PPP4R4: variants seen among roughly 807,000 people sequenced by gnomAD.
The protein encoded by PPP4R4 is serine/threonine-protein phosphatase 4 regulatory subunit 4.
In PPP4R4, 70 loss-of-function variants were observed where a neutral mutation model predicts 121.8. The ratio of observed to expected loss-of-function variants is 0.57; its 90% CI spans 0.47 to 0.70. The LOEUF (loss-of-function observed/expected upper bound fraction) is 0.70. Among genes scored for constraint, PPP4R4 ranks in the 30% least tolerant of loss-of-function variants. The pLI is 0.00. For missense variants in PPP4R4, 875 were observed against 1,033.6 expected (o/e 0.85, Z 2.10); for synonymous variants, 348 against 355.7 (o/e 0.98, Z 0.24).
At chr14:94,221,411 C>T (rs941415539) in intron 3 of PPP4R4, among the ~76,000 whole-genome samples, 1 of 151,982 alleles carries the variant, frequency 6.6e-6, no homozygotes, top group African/African-American at 2.4e-5. Context: ...AATGAAAAGA[C>T]AAGTCAGAAT....
chr14:94,183,184 A>T (rs1889082425), intron 2 of PPP4R4, among the ~76,000 whole-genome samples: 1 of 152,100 alleles, frequency 6.6e-6, no homozygotes, highest in Admixed American at 6.5e-5. Flanking sequence ...AACAAAGTGG[A>T]TATTGGAGTC....
intron 7 of PPP4R4, among the ~76,000 whole-genome samples, chr14:94,235,388 C>CT (rs34881107): frequency 0.021 from 1,042 of 50,812 alleles, 142 homozygotes; most frequent in African/African-American, 0.049. Context: ...TCTCCTTGTT[C>CT]TTTTTTTTTT....
chr14:94,204,892 A>G (rs1890378681), intron 2 of PPP4R4, among the ~76,000 whole-genome samples: 1 of 152,098 alleles, frequency 6.6e-6, no homozygotes, highest in South Asian at 2.1e-4. Flanking sequence ...TGATCATGTG[A>G]TATTTTTCTT....
chr14:94,273,564 C>A (rs187529530), intron 23 of PPP4R4, among the ~76,000 whole-genome samples: 100 of 152,136 alleles, frequency 6.6e-4, no homozygotes, highest in African/African-American at 2.4e-3. Context: ...TGTCCAAATC[C>A]GTAGCATGTA....
chr14:94,237,589 G>A lies in PPP4R4; in HGVS notation c.756G>A (p.Val252=), dbSNP rs1210969569. 1.2e-6 allele frequency: 2 copies of A among 1,612,678 alleles called. No individual in the cohort carries two copies. Among genetic ancestry groups the A allele is most frequent in the Admixed American group, 1.7e-5 (1 of 60,010 alleles). The change falls in exon 8 of 25, where the codon GTG becomes GTA. Residue 252 remains valine, a synonymous_variant. Coordinates refer to ENST00000304338, the MANE Select transcript of PPP4R4 (RefSeq NM_058237.2). ...GIGTELTKSV[V]LPELIELSRD... ...GGACAGAACTTACAAAAAGTGTGGT[G>A]CTCCCTGAATTAATAGAACTTTCTA...
chr14:94,187,064 C>G, intron 2 of PPP4R4, among the ~76,000 whole-genome samples: 1 of 152,244 alleles, frequency 6.6e-6, no homozygotes, highest in Non-Finnish European at 1.5e-5. Context: ...CCTGCAATCC[C>G]AGCACTTTGG....
intron 7 of PPP4R4, 124 bp from the exon 8 acceptor site, chr14:94,237,441 C>A: frequency 2.5e-6 from 2 of 815,262 alleles, no homozygotes; most frequent in Non-Finnish European, 3.8e-6. Context: ...TTCTGGAGAG[C>A]AGGAACAGTA....
chr14:94,239,857 T>A (rs912334505), intron 8 of PPP4R4, among the ~76,000 whole-genome samples: 12 of 152,222 alleles, frequency 7.9e-5, no homozygotes, highest in Non-Finnish European at 1.5e-4. Context: ...CATTTATTAT[T>A]CATATTTCTA....
chr14:94,270,425 C>T (rs1894263112), intron 23 of PPP4R4, among the ~76,000 whole-genome samples: 1 of 151,822 alleles, frequency 6.6e-6, no homozygotes, highest in Admixed American at 6.6e-5. Context: ...CCAGTGTAGC[C>T]AAAATAGTTT....
intron 3 of PPP4R4, among the ~76,000 whole-genome samples, chr14:94,221,027 G>T (rs918200096): frequency 1.6e-4 from 24 of 152,104 alleles, no homozygotes; most frequent in Non-Finnish European, 3.1e-4. Context: ...TGTATGATTG[G>T]TGTAAAGACA....
intron 2 of PPP4R4, among the ~76,000 whole-genome samples, chr14:94,200,370 A>G (rs902425408): frequency 2.0e-5 from 3 of 152,118 alleles, no homozygotes; most frequent in Non-Finnish European, 4.4e-5. Context: ...GCTCCAACAC[A>G]GTGTTGGATA....
At chr14:94,193,176 T>C (rs945696071) in intron 2 of PPP4R4, among the ~76,000 whole-genome samples, 1 of 152,176 alleles carries the variant, frequency 6.6e-6, no homozygotes, top group Admixed American at 6.5e-5. Context: ...TTTAACCATA[T>C]GTTTTTTAAA....
intron 22 of PPP4R4, 60 bp from the exon 23 acceptor site, chr14:94,266,899 A>T: frequency 9.1e-7 from 1 of 1,094,932 alleles, no homozygotes; most frequent in East Asian, 2.4e-5. Context: ...CAAGTGTTAG[A>T]TGACTGAGAT....
chr14:94,177,307 T>G (rs1888732317), intron 2 of PPP4R4, among the ~76,000 whole-genome samples: 1 of 152,230 alleles, frequency 6.6e-6, no homozygotes, highest in African/African-American at 2.4e-5. Flanking sequence ...TCTCATCATT[T>G]CTATTTACTT....
chr14:94,276,425 T>C (rs1471756757), intron 24 of PPP4R4, among the ~76,000 whole-genome samples: 1 of 152,236 alleles, frequency 6.6e-6, no homozygotes. Context: ...AATTGGCTCA[T>C]AGTTCTGCAG....
chr14:94,266,810 AAT>A, intron 22 of PPP4R4, 147 bp from the exon 23 acceptor site: 1 of 593,118 alleles, frequency 1.7e-6, no homozygotes, highest in Non-Finnish European at 2.9e-6. Flanking sequence ...GTGAGGCATG[AAT>A]ATAAAAAAAA....
At position 94,241,915 on chromosome 14, in the gene PPP4R4, G is replaced by T. The variant is rs754919767; in HGVS notation, c.1104G>T (p.Lys368Asn). ...QIPPQILEQE[K>N]KYISVRKNCA... ...CACCCCAAATCCTAGAGCAGGAGAA[G>T]AAATATATTTCAGTACGGAAGAACT... The change falls in exon 10 of 25, where the codon AAG becomes AAT. Residue 368 changes from lysine (K) to asparagine (N), a missense_variant. Transcript: ENST00000304338. 3 of 1,609,314 alleles carry T rather than the reference G, an allele frequency of 1.9e-6. No individual in the cohort carries two copies. The highest frequency in any genetic ancestry group is 1.3e-5 in the African/African-American group (1 of 74,786).
Position 94,255,476 on chromosome 14 carries a change from C to A in PPP4R4, c.1866-984C>A, listed in dbSNP as rs140844483. ...ATTAGCCAGGCATGGTGGCGGGCAC[C>A]TGTAGTCCCAGCTACTCGGGAGGCT... On this transcript the variant is annotated intron_variant, in intron 16 of 24. Coordinates refer to ENST00000304338, the MANE Select transcript of PPP4R4 (RefSeq NM_058237.2). Among the ~76,000 whole-genome samples, 100 of 152,226 alleles carry A rather than the reference C, an allele frequency of 6.6e-4. 1 individual carries two copies. In the East Asian group the frequency reaches 0.016, roughly 25 times the overall value.
In PPP4R4 at chr14:94,259,286, T is replaced by A; in HGVS notation, c.2053-9T>A. ...AATGTTTCACAATTTCATTTTAAACTTTAAACAGTTTCAGAAAAAGTTTTA... is the reference window on the plus strand; with the variant it reads ...AATGTTTCACAATTTCATTTTAAACATTAAACAGTTTCAGAAAAAGTTTTA... On this transcript the variant is annotated splice_polypyrimidine_tract_variant and intron_variant, in intron 18 of 24. Coordinates refer to ENST00000304338, the MANE Select transcript of PPP4R4 (RefSeq NM_058237.2). 1 of 1,599,116 alleles carries A rather than the reference T, an allele frequency of 6.3e-7. No homozygotes were observed. The highest frequency in any genetic ancestry group is 1.1e-5 in the South Asian group (1 of 88,558).
Sources: allele counts gnomAD v4.1 joint callset (sites outside exome capture counted in the v4.1 genomes callset), GRCh38; gene constraint gnomAD v4.1.1; transcripts MANE v1.5; gene names NCBI Gene and HGNC (gene_info 2026-07-23, HGNC 2026-07-21).